The following PPP1R1C variants were observed in gnomAD, a reference collection of about 807,000 sequenced individuals.
The protein encoded by PPP1R1C is protein phosphatase 1 regulatory inhibitor subunit 1C, also known as protein phosphatase 1 regulatory subunit 1C.
A neutral mutation model predicts 17.4 loss-of-function variants in PPP1R1C; 15 were observed. That is an observed-to-expected ratio of 0.86 (90% CI 0.58 to 1.33). The LOEUF is 1.33. PPP1R1C is among the 40% of genes most tolerant of loss of function. PPP1R1C has a pLI of 0.00. For missense variants in PPP1R1C, 143 were observed against 130.0 expected, an observed-to-expected ratio of 1.10 and a Z score of -0.48; for synonymous variants, 35 against 43.1, an observed-to-expected ratio of 0.81 and a Z score of 0.73.
chr2:182,061,913 G>A (rs1036911838), intron 3 of PPP1R1C, among the ~76,000 whole-genome samples: 1 of 152,052 alleles, frequency 6.6e-6, no homozygotes, highest in East Asian at 1.9e-4. Context: ...CAAAGCCTGA[G>A]TAAACAGATC....
chr2:182,113,288 T>C (rs1289249416), intron 4 of PPP1R1C, among the ~76,000 whole-genome samples: 1 of 152,218 alleles, frequency 6.6e-6, no homozygotes, highest in Non-Finnish European at 1.5e-5. Context: ...GGAAGCTACA[T>C]AGATTAATTT....
intron 5 of PPP1R1C, among the ~76,000 whole-genome samples, chr2:182,124,327 GTTTTT>G (rs1294464668): frequency 2.4e-5 from 2 of 83,008 alleles, no homozygotes; most frequent in Non-Finnish European, 4.3e-5. Context: ...TTTTTTTTTT[GTTTTT>G]TTTTTTGTTT....
intron 2 of PPP1R1C, among the ~76,000 whole-genome samples, chr2:181,980,245 T>C (rs968760045): frequency 6.6e-6 from 1 of 152,230 alleles, no homozygotes; most frequent in Non-Finnish European, 1.5e-5. Flanking sequence ...AAGTCCAACT[T>C]CATTTAATAA....
intron 2 of PPP1R1C, among the ~76,000 whole-genome samples, chr2:182,032,548 C>G (rs979032379): frequency 6.6e-6 from 1 of 151,984 alleles, no homozygotes; most frequent in Non-Finnish European, 1.5e-5. Flanking sequence ...CATAGTGGGC[C>G]CCACCACATA....
intron 4 of PPP1R1C, among the ~76,000 whole-genome samples, chr2:182,098,425 C>T (rs1299051908): frequency 6.6e-6 from 1 of 152,096 alleles, no homozygotes; most frequent in Non-Finnish European, 1.5e-5. Context: ...CAAAAAGGCA[C>T]AAGCTATTCT....
At chr2:182,085,900 A>G (rs1345003772) in intron 4 of PPP1R1C, among the ~76,000 whole-genome samples, 2 of 152,198 alleles carry the variant, frequency 1.3e-5, no homozygotes, top group African/African-American at 2.4e-5. Flanking sequence ...TCAAATGGAA[A>G]TGTATTGATA....
intron 1 of PPP1R1C, among the ~76,000 whole-genome samples, chr2:181,965,967 CTTTAT>C (rs1451089095): frequency 6.6e-6 from 1 of 152,014 alleles, no homozygotes; most frequent in Non-Finnish European, 1.5e-5. Flanking sequence ...TTCATTTCCT[CTTTAT>C]TTTATTTCAT....
intron 4 of PPP1R1C, among the ~76,000 whole-genome samples, chr2:182,085,396 T>G (rs1688600657): frequency 6.6e-6 from 1 of 152,112 alleles, no homozygotes; most frequent in African/African-American, 2.4e-5. Flanking sequence ...AAAAGTAAAA[T>G]GTTATGAATA....
At chr2:182,091,483 A>AT (rs1389221380) in intron 4 of PPP1R1C, among the ~76,000 whole-genome samples, 111 of 124,292 alleles carry the variant, frequency 8.9e-4, no homozygotes, top group African/African-American at 3.1e-3. Flanking sequence ...TTAAAAAAAA[A>AT]ATAATAAAAA....
chr2:181,980,021 G>A (rs558340226), intron 2 of PPP1R1C, among the ~76,000 whole-genome samples: 357 of 152,148 alleles, frequency 2.3e-3, no homozygotes, highest in African/African-American at 8.3e-3. Context: ...TTTTGATCAT[G>A]GCGTCACCAG....
intron 4 of PPP1R1C, among the ~76,000 whole-genome samples, chr2:182,081,803 TGCCTGCATAAAAG>T (rs988452346): frequency 2.0e-5 from 3 of 152,200 alleles, no homozygotes; most frequent in African/African-American, 7.2e-5. Flanking sequence ...CCTCATATCC[TGCCTGCATAAAAG>T]GCTGTGCCCA....
intron 4 of PPP1R1C, among the ~76,000 whole-genome samples, chr2:182,075,769 A>G (rs905655454): frequency 1.3e-5 from 2 of 152,304 alleles, no homozygotes; most frequent in South Asian, 2.1e-4. Flanking sequence ...TGTCCATTTC[A>G]GGTTAAACTA....
At chr2:182,056,964 A>T (rs987932751) in intron 2 of PPP1R1C, among the ~76,000 whole-genome samples, 1 of 152,206 alleles carries the variant, frequency 6.6e-6, no homozygotes, top group Admixed American at 6.5e-5. Flanking sequence ...TAAAAATGGA[A>T]GTAATGGATT....
At chr2:182,034,671 T>A (rs904099688) in intron 2 of PPP1R1C, among the ~76,000 whole-genome samples, 1 of 152,182 alleles carries the variant, frequency 6.6e-6, no homozygotes, top group Non-Finnish European at 1.5e-5. Context: ...AAGGCTTAAG[T>A]TGGAAGGATG....
intron 4 of PPP1R1C, among the ~76,000 whole-genome samples, chr2:182,073,713 G>A (rs1022194341): frequency 2.0e-5 from 3 of 152,182 alleles, no homozygotes; most frequent in East Asian, 3.8e-4. Flanking sequence ...TAAGTTGAGG[G>A]ATGAGTGAGA....
chr2:182,053,416 T>A (rs990222561), intron 2 of PPP1R1C, among the ~76,000 whole-genome samples: 2 of 152,228 alleles, frequency 1.3e-5, no homozygotes, highest in African/African-American at 4.8e-5. Context: ...TTTTCGATTG[T>A]CTGAAAATGG....
At chr2:182,108,785 T>G (rs1393133853) in intron 4 of PPP1R1C, among the ~76,000 whole-genome samples, 2 of 152,222 alleles carry the variant, frequency 1.3e-5, no homozygotes, top group African/African-American at 4.8e-5. Context: ...CTATTGATTC[T>G]GTCTTCCAAG....
chr2:182,114,932 A>G (rs1317943976), intron 4 of PPP1R1C, among the ~76,000 whole-genome samples: 1 of 152,218 alleles, frequency 6.6e-6, no homozygotes, highest in African/African-American at 2.4e-5. Flanking sequence ...TGATTAATGG[A>G]TTAATGAGTT....
At chr2:182,000,538 C>T (rs1685732143) in intron 2 of PPP1R1C, among the ~76,000 whole-genome samples, 1 of 152,118 alleles carries the variant, frequency 6.6e-6, no homozygotes, top group African/African-American at 2.4e-5. Flanking sequence ...TGGAATTGGA[C>T]AAGAGTTTGC....
Sources: allele counts gnomAD v4.1 joint callset (sites outside exome capture counted in the v4.1 genomes callset), GRCh38; gene constraint gnomAD v4.1.1; transcripts MANE v1.5; gene names NCBI Gene and HGNC (gene_info 2026-07-23, HGNC 2026-07-21).